The following DACH2 variants were observed in gnomAD, a reference collection of about 807,000 sequenced individuals.
DACH2 encodes dachshund homolog 2.
Under a neutral mutation model 35.8 loss-of-function variants are expected in DACH2, and 17 were observed. That is an observed-to-expected ratio of 0.48 (90% CI 0.33 to 0.71). DACH2 has a LOEUF of 0.71. DACH2 is among the 30% of genes least tolerant of loss of function. DACH2 has a pLI of 0.02. For missense variants in DACH2, 469 were observed against 472.7 expected, an observed-to-expected ratio of 0.99 and a Z score of 0.07; for synonymous variants, 195 against 177.3, an observed-to-expected ratio of 1.10 and a Z score of -0.79.
At chrX:86,255,738 A>G (rs1260850570) in intron 1 of DACH2, among the ~76,000 whole-genome samples, 2 of 111,946 alleles carry the variant, frequency 1.8e-5, no homozygotes, top group Admixed American at 9.6e-5. Context: ...GTAAATGGGA[A>G]CAAAATAACT....
chrX:86,280,192 G>T (rs1011658712), intron 1 of DACH2, among the ~76,000 whole-genome samples: 4 of 111,502 alleles, frequency 3.6e-5, no homozygotes, highest in Non-Finnish European at 7.5e-5. Context: ...AATGTTAAGG[G>T]CAGCCAGAGA....
intron 3 of DACH2, among the ~76,000 whole-genome samples, chrX:86,626,476 C>T (rs967289387): frequency 1.8e-5 from 2 of 112,743 alleles, no homozygotes; most frequent in Non-Finnish European, 3.8e-5. Context: ...TGGCTCTCTG[C>T]TCAGTGTTCC....
At chrX:86,407,181 T>C (rs1053352392) in intron 2 of DACH2, among the ~76,000 whole-genome samples, 10 of 111,794 alleles carry the variant, frequency 8.9e-5, no homozygotes, top group African/African-American at 3.2e-4. Flanking sequence ...GAATAAAGCC[T>C]GGAAGTTTGG....
intron 7 of DACH2, among the ~76,000 whole-genome samples, chrX:86,744,645 A>G (rs888938842): frequency 1.8e-5 from 2 of 111,741 alleles, no homozygotes; most frequent in Non-Finnish European, 3.8e-5. Context: ...AAACTGGATG[A>G]CATTATAATA....
intron 1 of DACH2, among the ~76,000 whole-genome samples, chrX:86,367,589 A>C (rs1365561327): frequency 4.5e-5 from 5 of 111,118 alleles, no homozygotes; most frequent in Non-Finnish European, 1.9e-5. Context: ...GGAGAGATCA[A>C]CTCATTCAAC....
chrX:86,725,255 T>C (rs1364269268), intron 6 of DACH2, among the ~76,000 whole-genome samples: 1 of 111,594 alleles, frequency 9.0e-6, no homozygotes, highest in Admixed American at 9.6e-5. Flanking sequence ...TCCTTGCTTT[T>C]CATGTTTCCT....
rs755293549 is a variant in DACH2 at position 86,593,408 on chromosome X, A to T, written c.641-57628A>T. Among the ~76,000 whole-genome samples the T allele has an allele frequency of 5.0e-5, 5 of 99,276 alleles. No homozygotes were observed. The South Asian group carries it at 2.2e-3, about 44-fold the overall frequency. 86.2% of individuals were successfully genotyped at this position (99,276 alleles called of 115,157 possible). A position where few individuals can be genotyped will look rare whatever the true frequency, so the allele number is the denominator to read the frequency against. On this transcript the variant is annotated intron_variant, in intron 3 of 11. Transcript: ENST00000373125. Reference sequence around the variant, plus strand: ...TTTCATATATATATTTTTTTATTTTATTTTATTTTATTTTATTTTATTTTA... The same window carrying T: ...TTTCATATATATATTTTTTTATTTTTTTTTATTTTATTTTATTTTATTTTA...
intron 3 of DACH2, among the ~76,000 whole-genome samples, chrX:86,546,341 CTT>C (rs1202504188): frequency 7.6e-5 from 6 of 79,128 alleles, no homozygotes; most frequent in African/African-American, 3.1e-4. Context: ...TCTTCTTCCT[CTT>C]CTTCTTCTTC....
At chrX:86,720,838 C>A (rs1337955020) in intron 6 of DACH2, among the ~76,000 whole-genome samples, 1 of 112,704 alleles carries the variant, frequency 8.9e-6, no homozygotes, top group Non-Finnish European at 1.9e-5. Flanking sequence ...GTCCCTGCAG[C>A]AAACTTCTGC....
intron 3 of DACH2, among the ~76,000 whole-genome samples, chrX:86,563,259 G>T (rs965719752): frequency 9.1e-6 from 1 of 110,124 alleles, no homozygotes; most frequent in Non-Finnish European, 1.9e-5. Context: ...TAATTTTAAG[G>T]AAATTTTATT....
intron 2 of DACH2, among the ~76,000 whole-genome samples, chrX:86,386,781 G>T (rs2148114075): frequency 9.0e-6 from 1 of 110,879 alleles, no homozygotes; most frequent in African/African-American, 3.3e-5. Context: ...GACTCATCTT[G>T]TATATTTCCT....
intron 3 of DACH2, among the ~76,000 whole-genome samples, chrX:86,528,715 T>C (rs746608308): frequency 5.3e-5 from 6 of 112,442 alleles, no homozygotes; most frequent in Non-Finnish European, 9.4e-5. Context: ...GTAAATCTTT[T>C]TATTTTCACA....
intron 1 of DACH2, among the ~76,000 whole-genome samples, chrX:86,209,359 A>G (rs2032392212): frequency 9.0e-6 from 1 of 111,553 alleles, no homozygotes; most frequent in South Asian, 3.7e-4. Context: ...CCGTAAACAC[A>G]AACAAACTCT....
chrX:86,216,080 T>A (rs1283811694), intron 1 of DACH2, among the ~76,000 whole-genome samples: 2 of 112,185 alleles, frequency 1.8e-5, no homozygotes, highest in Non-Finnish European at 3.8e-5. Context: ...TTTTTGTGCA[T>A]GATGGCAACC....
intron 11 of DACH2, among the ~76,000 whole-genome samples, chrX:86,822,243 C>T (rs1238184451): frequency 8.9e-6 from 1 of 111,750 alleles, no homozygotes; most frequent in Non-Finnish European, 1.9e-5. Context: ...TTTCATAGTA[C>T]CTTAAAAATT....
chrX:86,284,407 T>C (rs1246498255), intron 1 of DACH2, among the ~76,000 whole-genome samples: 1 of 111,878 alleles, frequency 8.9e-6, no homozygotes, highest in African/African-American at 3.2e-5. Flanking sequence ...TTTGTTGATG[T>C]TGAACCATCC....
intron 3 of DACH2, among the ~76,000 whole-genome samples, chrX:86,548,047 C>T (rs1313574407): frequency 3.6e-5 from 4 of 112,348 alleles, no homozygotes; most frequent in South Asian, 7.3e-4. Flanking sequence ...AATTCTATGC[C>T]TTGGGCCATC....
intron 1 of DACH2, among the ~76,000 whole-genome samples, chrX:86,358,320 C>G (rs1309423477): frequency 9.0e-6 from 1 of 110,956 alleles, no homozygotes; most frequent in Non-Finnish European, 1.9e-5. Context: ...TTCTTCCAAT[C>G]ACTTTCTCCT....
intron 3 of DACH2, among the ~76,000 whole-genome samples, chrX:86,631,582 A>C (rs2040201538): frequency 8.9e-6 from 1 of 112,035 alleles, no homozygotes; most frequent in African/African-American, 3.2e-5. Flanking sequence ...TTGACTGTTA[A>C]TTTAATTGTG....
Sources: allele counts gnomAD v4.1 joint callset (sites outside exome capture counted in the v4.1 genomes callset), GRCh38; gene constraint gnomAD v4.1.1; transcripts MANE v1.5; gene names NCBI Gene and HGNC (gene_info 2026-07-23, HGNC 2026-07-21).